The following TCF20 variants were observed in gnomAD, a reference collection of about 807,000 sequenced individuals.
TCF20 encodes the protein transcription factor 20.
Under a neutral mutation model 148.6 loss-of-function variants are expected in TCF20, and 3 were observed. That is an observed-to-expected ratio of 0.02 (90% CI 0.01 to 0.05). TCF20 has a LOEUF of 0.05. Ranked by LOEUF, TCF20 falls within the 10% of genes least tolerant of loss-of-function variation. The pLI is 1.00. For synonymous variants in TCF20, 1,049 were observed against 909.5 expected (o/e 1.15, Z -2.76); for missense variants, 2,350 against 2,429.3 (o/e 0.97, Z 0.69).
chr22:42,286,565 C>A (rs934461469), upstream of TCF20, among the ~76,000 whole-genome samples: 1 of 152,162 alleles, frequency 6.6e-6, no homozygotes, highest in African/African-American at 2.4e-5. Flanking sequence ...AAGCAAGAGC[C>A]GATCCCAGTT....
intron 1 of TCF20, among the ~76,000 whole-genome samples, chr22:42,330,667 C>T (rs1601709391): frequency 6.6e-6 from 1 of 152,204 alleles, no homozygotes; most frequent in East Asian, 1.9e-4. Flanking sequence ...TCTTGACCTT[C>T]AGTGACAACA....
intron 1 of TCF20, among the ~76,000 whole-genome samples, chr22:42,259,236 G>T (rs903389530): frequency 1.3e-5 from 2 of 152,164 alleles, no homozygotes; most frequent in East Asian, 1.9e-4. Flanking sequence ...CTGGGCCCTT[G>T]AGCACTTGTC....
intron 1 of TCF20, among the ~76,000 whole-genome samples, chr22:42,247,797 A>T (rs1925045962): frequency 6.7e-6 from 1 of 149,484 alleles, no homozygotes; most frequent in Non-Finnish European, 1.5e-5. Context: ...AACCACTACC[A>T]ATCTCTACTT....
At chr22:42,295,617 A>T (rs1430205818) in intron 1 of TCF20, among the ~76,000 whole-genome samples, 4 of 151,140 alleles carry the variant, frequency 2.6e-5, no homozygotes, top group Non-Finnish European at 5.9e-5. Context: ...CTAATTTTGT[A>T]TTTTTAGTAG....
chr22:42,266,732 CTG>C (rs914976999), intron 1 of TCF20, among the ~76,000 whole-genome samples: 63 of 151,912 alleles, frequency 4.1e-4, no homozygotes, highest in African/African-American at 1.5e-3. Context: ...TGAGCAGAGA[CTG>C]TGCCACTGCA....
chr22:42,203,246 T>C (rs1938162236), intron 2 of TCF20, among the ~76,000 whole-genome samples: 1 of 152,162 alleles, frequency 6.6e-6, no homozygotes, highest in Admixed American at 6.5e-5. Flanking sequence ...CAGGCTGGTC[T>C]CAAACTCCTG....
chr22:42,252,358 T>C (rs536501937), intron 1 of TCF20, among the ~76,000 whole-genome samples: 5 of 152,092 alleles, frequency 3.3e-5, no homozygotes, highest in Admixed American at 2.6e-4. Flanking sequence ...GAAACAACTA[T>C]TCAAGAAGTC....
At position 42,213,972 on chromosome 22, in the gene TCF20, T is replaced by C; in HGVS notation, c.1334A>G (p.Glu445Gly). Reference protein sequence around the residue: ...FKGFGLEGVPEKRLTDPGLSS... With the variant: ...FKGFGLEGVPGKRLTDPGLSS... ...CAACCCAGGATCTGTCAGTCGCTTTTCTGGTACCCCTTCTAGTCCAAACCC... is the reference window on the plus strand; with the variant it reads ...CAACCCAGGATCTGTCAGTCGCTTTCCTGGTACCCCTTCTAGTCCAAACCC... The change falls in exon 2 of 6, where the codon GAA (glutamate) becomes GGA (glycine). Residue 445 changes from glutamate (E) to glycine (G), a missense_variant. Physicochemically the swap from Glu to Gly is moderately conservative, Grantham distance 98. Transcript: ENST00000677622. The C allele has an allele frequency of 6.2e-7, 1 of 1,614,228 alleles. No homozygotes were observed. The highest frequency in any genetic ancestry group is 8.5e-7 in the Non-Finnish European group (1 of 1,180,044).
chr22:42,204,538 T>C (rs1024917806), intron 2 of TCF20, among the ~76,000 whole-genome samples: 6 of 151,856 alleles, frequency 4.0e-5, no homozygotes, highest in South Asian at 2.1e-4. Context: ...CTTTAATATA[T>C]TGATTCAGAA....
At chr22:42,202,470 A>AT (rs1293075943) in intron 2 of TCF20, among the ~76,000 whole-genome samples, 2 of 152,238 alleles carry the variant, frequency 1.3e-5, no homozygotes, top group Non-Finnish European at 1.5e-5. Context: ...GCAAGGAAAC[A>AT]ACAAGTCCTG....
intron 1 of TCF20, among the ~76,000 whole-genome samples, chr22:42,311,745 G>A (rs1927540839): frequency 2.0e-5 from 3 of 152,174 alleles, no homozygotes; most frequent in Admixed American, 6.5e-5. Flanking sequence ...CAAGAAAAGT[G>A]CAATCCCGGG....
intron 1 of TCF20, among the ~76,000 whole-genome samples, chr22:42,228,880 T>C (rs1294049422): frequency 6.6e-6 from 1 of 152,034 alleles, no homozygotes; most frequent in African/African-American, 2.4e-5. Context: ...AAAAATGAAA[T>C]AGAGCAGAAT....
rs35668152 is a variant in TCF20 at position 42,250,446 on chromosome 22, C to CA, written c.-37+19892dup. 8.1e-3 allele frequency among the ~76,000 whole-genome samples: 613 copies of CA among 75,944 alleles called. 4 individuals carry two copies. The highest frequency in any genetic ancestry group is 0.029 in the South Asian group (57 of 1,966). The allele number at this position is 75,944 out of a possible 152,430, so 49.8% of individuals were successfully genotyped here. A position where few individuals can be genotyped will look rare whatever the true frequency, so the allele number is the denominator to read the frequency against. On this transcript the variant is annotated intron_variant, in intron 1 of 5. Transcript: ENST00000677622. ...CAGCAACAACAGTGAAACTCCATCT[C>CA]AAAAAAAAAAAAAAAAAAAAAAGGT...
intron 1 of TCF20, among the ~76,000 whole-genome samples, chr22:42,329,313 G>C (rs1309403310): frequency 6.6e-6 from 1 of 152,222 alleles, no homozygotes; most frequent in Non-Finnish European, 1.5e-5. Flanking sequence ...CCAGCTGTGG[G>C]GGTGAGCACC....
chr22:42,215,826 G>A (rs987848441), intron 1 of TCF20, among the ~76,000 whole-genome samples: 4 of 152,090 alleles, frequency 2.6e-5, no homozygotes, highest in African/African-American at 9.7e-5. Flanking sequence ...CACATATGCA[G>A]AGAAATGGCC....
rs17002888 is a variant in TCF20 at position 42,211,332 on chromosome 22, C to T, written c.3974G>A (p.Ser1325Asn). ...GAGGGTAACAGCAGGGCAGTTTCTA[C>T]TATCTGGACTTGGAAGGTCCTTGGA... The part of the protein sequence containing the change: ...DSSKDLPSPD[S>N]RNCPAVTLTS... Residue 1325 changes from serine to asparagine, a missense_variant, in exon 2 of 6, where the codon AGT becomes AAT. By Grantham distance (46) the Ser-to-Asn change is conservative. Transcript: ENST00000677622. The T allele has an allele frequency of 4.8e-3, 7,677 of 1,614,160 alleles. 159 individuals carry two copies. In the African/African-American group the frequency reaches 0.058, roughly 12 times the overall value.
chr22:42,199,444 G>T (rs994362795), intron 2 of TCF20, among the ~76,000 whole-genome samples: 10 of 152,118 alleles, frequency 6.6e-5, no homozygotes, highest in Non-Finnish European at 1.5e-4. Context: ...TGAGGAAATA[G>T]GGTACAACTG....
intron 3 of TCF20, among the ~76,000 whole-genome samples, chr22:42,178,702 A>G (rs931480287): frequency 2.1e-5 from 3 of 146,324 alleles, no homozygotes; most frequent in Non-Finnish European, 4.5e-5. Flanking sequence ...CCTGCCTCAG[A>G]CTCCCGAGTA....
intron 1 of TCF20, among the ~76,000 whole-genome samples, chr22:42,228,235 T>A (rs1369076652): frequency 1.3e-5 from 2 of 151,790 alleles, no homozygotes; most frequent in Non-Finnish European, 2.9e-5. Flanking sequence ...AATGTGGTGT[T>A]GATGGAGGTA....
Sources: allele counts gnomAD v4.1 joint callset (sites outside exome capture counted in the v4.1 genomes callset), GRCh38; gene constraint gnomAD v4.1.1; transcripts MANE v1.5; gene names NCBI Gene and HGNC (gene_info 2026-07-23, HGNC 2026-07-21).